IFT140: variants seen among roughly 807,000 people sequenced by gnomAD.
IFT140 encodes intraflagellar transport protein 140 homolog.
IFT140 carries 133 observed loss-of-function variants against 164.6 expected under a neutral mutation model. That is an observed-to-expected ratio of 0.81 (90% CI 0.70 to 0.93). The LOEUF (loss-of-function observed/expected upper bound fraction) is 0.93. Among genes scored for constraint, IFT140 ranks in the 40% least tolerant of loss-of-function variants. IFT140 has a pLI of 0.00. For missense variants in IFT140, 2,045 were observed against 1,972.3 expected (o/e 1.04, Z -0.70); for synonymous variants, 860 against 817.3 (o/e 1.05, Z -0.89).
intron 19 of IFT140, among the ~76,000 whole-genome samples, chr16:1,548,846 C>T (rs1018198079): frequency 2.0e-5 from 3 of 152,248 alleles, no homozygotes; most frequent in Non-Finnish European, 2.9e-5. Flanking sequence ...AGCAGCACAG[C>T]GAGGCATGTA....
intron 3 of IFT140, among the ~76,000 whole-genome samples, chr16:1,606,830 GCA>G (rs150810644): frequency 2.9e-4 from 44 of 151,210 alleles, no homozygotes; most frequent in African/African-American, 4.6e-4. Flanking sequence ...CGCACCACAC[GCA>G]CACACACACA....
chr16:1,534,299 C>T (rs773180485), intron 19 of IFT140: 12 of 1,612,426 alleles, frequency 7.4e-6, no homozygotes, highest in East Asian at 2.2e-5. Flanking sequence ...GACTCGTGGC[C>T]GCGGCCGTGC....
intron 6 of IFT140, 49 bp downstream of exon 6, chr16:1,592,127 C>T: frequency 6.2e-7 from 1 of 1,600,456 alleles, no homozygotes; most frequent in South Asian, 1.1e-5. Flanking sequence ...CCCTACCAGA[C>T]ACCCCTAAAA....
intron 29 of IFT140, 113 bp from the exon 30 acceptor site, chr16:1,518,470 A>C: frequency 9.9e-7 from 1 of 1,005,672 alleles, no homozygotes; most frequent in Non-Finnish European, 1.4e-6. Context: ...GGCAGGAGGA[A>C]ACTTTCTATG....
intron 13 of IFT140, among the ~76,000 whole-genome samples, chr16:1,574,152 C>T (rs2034154198): frequency 6.6e-6 from 1 of 152,120 alleles, no homozygotes; most frequent in Non-Finnish European, 1.5e-5. Flanking sequence ...AGCCTGTGCC[C>T]GGTCCCTCTT....
chr16:1,597,857 A>G lies in IFT140; in HGVS notation c.369+4513T>C, dbSNP rs181193993. Among the ~76,000 whole-genome samples, 774 of 152,310 alleles carry G rather than the reference A, an allele frequency of 5.1e-3. 11 individuals are homozygous for G. The highest frequency in any genetic ancestry group is 0.018 in the African/African-American group (735 of 41,548). ...GGCTAGACTCAAACTCCTGGGCTCA[A>G]GTGATTCTCCTGACTCGGCCTCCCA... On this transcript the variant is annotated intron_variant, in intron 4 of 30. Coordinates refer to ENST00000426508, the MANE Select transcript of IFT140 (RefSeq NM_014714.4).
rs1442886523 is a variant in IFT140 at position 1,602,649 on chromosome 16, A to G, written c.148-58T>C. The G allele has an allele frequency of 3.3e-6, 5 of 1,530,366 alleles. No individual in the cohort carries two copies. In the Admixed American group the frequency reaches 8.4e-5, roughly 26 times the overall value. 94.8% of individuals were successfully genotyped at this position (1,530,366 alleles called of 1,614,324 possible). A position where few individuals can be genotyped will look rare whatever the true frequency, so the allele number is the denominator to read the frequency against. ...CAGAGAGGGACAGCTACTTTTAAGA[A>G]CTTCTGTCTAGGCCGGGCACGGCGG... On this transcript the variant is annotated intron_variant, in intron 3 of 30. Coordinates refer to ENST00000426508, the MANE Select transcript of IFT140 (RefSeq NM_014714.4).
intron 13 of IFT140, among the ~76,000 whole-genome samples, chr16:1,571,952 T>C (rs1472842789): frequency 6.6e-6 from 1 of 152,178 alleles, no homozygotes; most frequent in Non-Finnish European, 1.5e-5. Flanking sequence ...GCCCTGTCTG[T>C]GGAGGCCCTG....
chr16:1,592,511 C>G lies in IFT140; in HGVS notation c.447G>C (p.Gly149=), dbSNP rs777978702. The G allele has an allele frequency of 2.5e-6, 4 of 1,614,228 alleles. No homozygotes were observed. The highest frequency in any genetic ancestry group is 3.4e-6 in the Non-Finnish European group (4 of 1,180,054). ...GGAAGATGCAGTGCGTGAGGTGTTT[C>G]CCATACTCGTGTTTCAGCAGAGGCG... The part of the protein sequence containing the change: ...QGTPLLKHEY[G]KHLTHCIFRL... Residue 149 remains glycine, a synonymous_variant, in exon 5 of 31, where the codon GGG becomes GGC. Transcript: ENST00000426508.
Position 1,587,310 on chromosome 16 carries a change from A to G in IFT140, c.903-6T>C, listed in dbSNP as rs2034938516. 1 of 1,591,956 alleles carries G rather than the reference A, an allele frequency of 6.3e-7. No individual in the cohort carries two copies. Among genetic ancestry groups the G allele is most frequent in the African/African-American group, 1.3e-5 (1 of 74,462 alleles). On this transcript the variant is annotated splice_polypyrimidine_tract_variant and splice_region_variant and intron_variant, in intron 8 of 30. Coordinates refer to ENST00000426508, the MANE Select transcript of IFT140 (RefSeq NM_014714.4). ...CTCGTTCTATGTCCCAGAATCTACA[A>G]CAGAAGAAAGCAAGCCCCATGGAGG...
chr16:1,608,279 A>G (rs2036175201), intron 2 of IFT140, among the ~76,000 whole-genome samples: 2 of 152,208 alleles, frequency 1.3e-5, no homozygotes, highest in African/African-American at 4.8e-5. Flanking sequence ...TCACTTTTTT[A>G]CACCTCAGTC....
At chr16:1,518,922 G>A (rs1447661079) in intron 29 of IFT140, among the ~76,000 whole-genome samples, 2 of 152,016 alleles carry the variant, frequency 1.3e-5, no homozygotes, top group Non-Finnish European at 2.9e-5. Context: ...CCCATGTCAG[G>A]AGGGTCCAGG....
intron 3 of IFT140, among the ~76,000 whole-genome samples, chr16:1,606,462 C>T (rs1218869677): frequency 6.6e-6 from 1 of 152,108 alleles, no homozygotes; most frequent in Non-Finnish European, 1.5e-5. Context: ...ATGTCGTTTT[C>T]TTTTTTTTCT....
At chr16:1,529,920 A>G (rs1413561647) in intron 19 of IFT140, among the ~76,000 whole-genome samples, 1 of 151,972 alleles carries the variant, frequency 6.6e-6, no homozygotes, top group Non-Finnish European at 1.5e-5. Flanking sequence ...CAAAAGAAAC[A>G]CTGTGTCCTC....
intron 19 of IFT140, among the ~76,000 whole-genome samples, chr16:1,557,301 C>T (rs1444981164): frequency 6.6e-6 from 1 of 152,170 alleles, no homozygotes; most frequent in African/African-American, 2.4e-5. Flanking sequence ...GAAGGATTGG[C>T]CATGCTGCTT....
chr16:1,526,953 G>T, intron 19 of IFT140, 157 bp from the exon 20 acceptor site: 1 of 751,034 alleles, frequency 1.3e-6, no homozygotes, highest in Non-Finnish European at 2.1e-6. Context: ...GGGCAAGACT[G>T]CAGGCCATGC....
chr16:1,534,957 C>T (rs1045614931), intron 19 of IFT140, among the ~76,000 whole-genome samples: 7 of 152,042 alleles, frequency 4.6e-5, no homozygotes, highest in East Asian at 1.9e-4. Context: ...GTAATCCTAG[C>T]GCTTTGGGAG....
rs769337527 is a variant in IFT140, at chr16:1,589,709, G to T, written c.706C>A (p.Leu236Met). 1 of 1,614,160 alleles carries T rather than the reference G, an allele frequency of 6.2e-7. No individual in the cohort carries two copies. Among genetic ancestry groups the T allele is most frequent in the East Asian group, 2.2e-5 (1 of 44,876 alleles). ...VVSADSTIQMLFYMEKREALV... is the reference protein window; with the variant it reads ...VVSADSTIQMMFYMEKREALV... ...GCCTCCCTCTTCTCCATGTAGAACA[G>T]CATCTGAATCGTGCTGTCTGCGGAC... The change falls in exon 7 of 31, where the codon CTG (leucine) becomes ATG (methionine). Residue 236 changes from leucine (L) to methionine (M), a missense_variant. Physicochemically the swap from Leu to Met is conservative, Grantham distance 15. Coordinates refer to ENST00000426508, the MANE Select transcript of IFT140 (RefSeq NM_014714.4).
At chr16:1,545,830 G>A (rs2032123389) in intron 19 of IFT140, among the ~76,000 whole-genome samples, 1 of 152,222 alleles carries the variant, frequency 6.6e-6, no homozygotes, top group African/African-American at 2.4e-5. Flanking sequence ...GAATGTTTCT[G>A]GGCTCAGTGC....
Sources: gnomAD v4.1 joint callset for allele counts (sites outside exome capture counted in the v4.1 genomes callset) on GRCh38, gnomAD v4.1.1 for gene constraint, MANE v1.5 for transcripts, NCBI Gene and HGNC (gene_info 2026-07-23, HGNC 2026-07-21) for gene names.